Variants in MAF observed in about 807,000 individuals in gnomAD.
MAF encodes MAF bZIP transcription factor.
MAF carries 10 observed loss-of-function variants against 22.0 expected under a neutral mutation model. The observed-to-expected ratio is 0.45, with a 90% CI of 0.28 to 0.77. The LOEUF is 0.77. Ranked by LOEUF, MAF falls within the 30% of genes least tolerant of loss-of-function variation. The pLI is 0.12. For missense variants in MAF, 544 were observed against 548.4 expected, an observed-to-expected ratio of 0.99 and a Z score of 0.08; for synonymous variants, 337 against 255.8, an observed-to-expected ratio of 1.32 and a Z score of -3.03.
At chr16:79,231,957 C>A in the MAF span, among the ~76,000 whole-genome samples, 2 of 152,040 alleles carry the variant, frequency 1.3e-5, no homozygotes, top group African/African-American at 4.8e-5. Context: ...ATTAGACTCT[C>A]ATAAGGAGCA....
the MAF span, among the ~76,000 whole-genome samples, chr16:79,473,995 G>C: frequency 2.0e-5 from 3 of 152,024 alleles, no homozygotes; most frequent in Non-Finnish European, 2.9e-5. Context: ...TTATTTAGTA[G>C]GGATGAGCAT....
Position 79,599,555 on chromosome 16 carries a change from C to A in MAF, c.348G>T (p.Ala116=), listed in dbSNP as rs369884117. Residue 116 remains alanine, a synonymous_variant, in exon 1 of 2, where the codon GCG becomes GCT. Transcript: ENST00000326043. The stretch of plus-strand genomic sequence containing the variant: ...GGAGCTGGTGGCTGTTGCTGATGAG[C>A]GCCTCGACCGCGTCCTCGGGGCTGA... ...LGFSPEDAVE[A]LISNSHQLQG... 7.0e-6 allele frequency: 11 copies of A among 1,579,168 alleles called. No homozygotes were observed. The highest frequency in any genetic ancestry group is 1.3e-5 in the African/African-American group (1 of 74,442).
At chr16:79,271,532 T>A in the MAF span, among the ~76,000 whole-genome samples, 1 of 152,240 alleles carries the variant, frequency 6.6e-6, no homozygotes, top group Admixed American at 6.5e-5. Flanking sequence ...TAAGTATGCA[T>A]GAGTAGACTG....
chr16:79,437,596 C>G, the MAF span, among the ~76,000 whole-genome samples: 2 of 152,022 alleles, frequency 1.3e-5, no homozygotes, highest in East Asian at 3.9e-4. Flanking sequence ...GCCTGTGTGC[C>G]CCCTCATTTT....
chr16:79,511,266 G>A, the MAF span, among the ~76,000 whole-genome samples: 5 of 151,822 alleles, frequency 3.3e-5, no homozygotes, highest in Non-Finnish European at 7.4e-5. Flanking sequence ...GAAAAGAAAA[G>A]GAAAGAAAAG....
chr16:79,550,469 C>T, the MAF span, among the ~76,000 whole-genome samples: 1 of 152,106 alleles, frequency 6.6e-6, no homozygotes, highest in African/African-American at 2.4e-5. Flanking sequence ...CTCTTCCAGT[C>T]AGTAAAACCT....
the MAF span, among the ~76,000 whole-genome samples, chr16:79,239,810 T>G: frequency 6.6e-6 from 1 of 151,936 alleles, no homozygotes; most frequent in African/African-American, 2.4e-5. Context: ...ACTGAGCAAA[T>G]GGATGATTCA....
chr16:79,436,993 C>T, the MAF span, among the ~76,000 whole-genome samples: 5 of 152,150 alleles, frequency 3.3e-5, no homozygotes, highest in Admixed American at 1.3e-4. Context: ...TCAGAAATCC[C>T]GCACTTTAGA....
the MAF span, among the ~76,000 whole-genome samples, chr16:79,415,962 C>T: frequency 6.6e-6 from 1 of 152,084 alleles, no homozygotes; most frequent in Non-Finnish European, 1.5e-5. Context: ...AAAATCTGAA[C>T]TTCCTACCAA....
the MAF span, among the ~76,000 whole-genome samples, chr16:79,550,340 G>A: frequency 1.4e-4 from 21 of 149,928 alleles, no homozygotes; most frequent in Non-Finnish European, 2.8e-4. Flanking sequence ...GGGGAAAGGA[G>A]AGAGAGAGAG....
exon 2 of MAF, chr16:79,585,887 A>G (rs1219173009): frequency 3.0e-6 from 2 of 676,204 alleles, no homozygotes; most frequent in Admixed American, 4.8e-5. Flanking sequence ...TACCTCTTTG[A>G]CTTCAGGCAA....
At chr16:79,530,461 A>T in the MAF span, among the ~76,000 whole-genome samples, 1 of 152,204 alleles carries the variant, frequency 6.6e-6, no homozygotes, top group Middle Eastern at 3.2e-3. Flanking sequence ...GGGGAAAAAA[A>T]TTTTATTTTT....
At chr16:79,404,164 C>CTTTTTTTTTTTTT in the MAF span, among the ~76,000 whole-genome samples, 1 of 122,092 alleles carries the variant, frequency 8.2e-6, no homozygotes, top group African/African-American at 3.1e-5. Flanking sequence ...TCTGGATTTT[C>CTTTTTTTTTTTTT]TTTTTTTTTT....
chr16:79,309,216 AG>A, the MAF span, among the ~76,000 whole-genome samples: 1,168 of 152,248 alleles, frequency 7.7e-3, 15 homozygotes, highest in African/African-American at 0.027. Context: ...AATGGTAGGG[AG>A]TTTCCCTGTT....
At chr16:79,269,388 G>A in the MAF span, among the ~76,000 whole-genome samples, 31 of 152,124 alleles carry the variant, frequency 2.0e-4, no homozygotes, top group Non-Finnish European at 4.1e-4. Flanking sequence ...CACCATGGCC[G>A]TGAAGCCCTT....
chr16:79,249,595 G>A, the MAF span, among the ~76,000 whole-genome samples: 2 of 152,066 alleles, frequency 1.3e-5, no homozygotes, highest in African/African-American at 4.8e-5. Context: ...AATCTCTATT[G>A]TTTATAAATT....
the MAF span, among the ~76,000 whole-genome samples, chr16:79,500,229 G>A: frequency 8.5e-5 from 13 of 152,222 alleles, no homozygotes. Context: ...AGAAATTAAT[G>A]CAGAAGCTAA....
At chr16:79,412,803 A>T in the MAF span, among the ~76,000 whole-genome samples, 10 of 152,192 alleles carry the variant, frequency 6.6e-5, no homozygotes, top group Admixed American at 5.9e-4. Context: ...ACCCTCCCCC[A>T]TTCACACCCA....
the MAF span, among the ~76,000 whole-genome samples, chr16:79,328,349 A>G: frequency 6.6e-6 from 1 of 152,112 alleles, no homozygotes; most frequent in Non-Finnish European, 1.5e-5. Flanking sequence ...ATGCAACTTG[A>G]GGCATTTAGG....
Sources: allele counts gnomAD v4.1 joint callset (sites outside exome capture counted in the v4.1 genomes callset), GRCh38; gene constraint gnomAD v4.1.1; transcripts MANE v1.5; gene names NCBI Gene and HGNC (gene_info 2026-07-23, HGNC 2026-07-21).